Variants in STEAP1B observed in about 807,000 individuals in gnomAD.
The protein encoded by STEAP1B is STEAP family protein MGC87042.
A neutral mutation model predicts 27.9 loss-of-function variants in STEAP1B; 13 were observed. The observed-to-expected ratio is 0.47, with a 90% confidence interval of 0.30 to 0.74. The LOEUF (loss-of-function observed/expected upper bound fraction) is 0.74. Ranked by LOEUF, STEAP1B falls within the 30% of genes least tolerant of loss-of-function variation. STEAP1B has a pLI of 0.06. For missense variants in STEAP1B, 250 were observed against 298.7 expected, an observed-to-expected ratio of 0.84 and a Z score of 1.20; for synonymous variants, 86 against 107.1, an observed-to-expected ratio of 0.80 and a Z score of 1.22.
chr7:22,470,581 C>A (rs906591170), intron 4 of STEAP1B, among the ~76,000 whole-genome samples: 1 of 152,108 alleles, frequency 6.6e-6, no homozygotes, highest in Non-Finnish European at 1.5e-5. Context: ...GACCAGCCAA[C>A]ATGGTAAAAC....
chr7:22,432,036 G>A (rs1383158133), intron 4 of STEAP1B, among the ~76,000 whole-genome samples: 1 of 152,144 alleles, frequency 6.6e-6, no homozygotes, highest in Non-Finnish European at 1.5e-5. Context: ...ATTAGGAGAG[G>A]GAGCCTTTGG....
chr7:22,441,410 C>T (rs952969126), intron 4 of STEAP1B, among the ~76,000 whole-genome samples: 1 of 152,210 alleles, frequency 6.6e-6, no homozygotes, highest in Non-Finnish European at 1.5e-5. Context: ...TCCTCATTAA[C>T]CTCTGTGTTG....
intron 4 of STEAP1B, among the ~76,000 whole-genome samples, chr7:22,422,439 C>T (rs1325763010): frequency 2.0e-5 from 3 of 151,986 alleles, no homozygotes; most frequent in South Asian, 2.1e-4. Flanking sequence ...TGAGCAACAA[C>T]GTCACTGGAA....
At chr7:22,457,426 G>A (rs73083167) in intron 4 of STEAP1B, among the ~76,000 whole-genome samples, 20,333 of 152,140 alleles carry the variant, frequency 0.13, 1,489 homozygotes, top group Non-Finnish European at 0.17. Flanking sequence ...ACACACTGTG[G>A]TGAAGCCATT....
intron 4 of STEAP1B, among the ~76,000 whole-genome samples, chr7:22,442,928 T>C (rs1785355866): frequency 6.6e-6 from 1 of 152,090 alleles, no homozygotes; most frequent in Non-Finnish European, 1.5e-5. Flanking sequence ...ACAACCATTG[T>C]CACACCAGGC....
intron 4 of STEAP1B, among the ~76,000 whole-genome samples, chr7:22,479,772 C>T (rs949160821): frequency 6.7e-6 from 1 of 150,172 alleles, no homozygotes; most frequent in African/African-American, 2.5e-5. Context: ...GCAGCCTCCA[C>T]CTCCCGGATT....
chr7:22,456,972 A>ATATATATATTTTTTTTTTTTTT, intron 4 of STEAP1B, among the ~76,000 whole-genome samples: 1 of 57,072 alleles, frequency 1.8e-5, no homozygotes, highest in South Asian at 1.0e-3. Context: ...ATATATATAT[A>ATATATATATTTTTTTTTTTTTT]TTTTTTTTTT....
chr7:22,468,048 T>C (rs529746211), intron 4 of STEAP1B, among the ~76,000 whole-genome samples: 4 of 152,228 alleles, frequency 2.6e-5, no homozygotes, highest in African/African-American at 7.2e-5. Context: ...GACATATTTC[T>C]GCTAAAGAAT....
At chr7:22,492,349 G>GAAAAAAAAAAAAAAAAAAAAAAAA (rs1371957621) in intron 4 of STEAP1B, 1 of 185,132 alleles carries the variant, frequency 5.4e-6, no homozygotes, top group Non-Finnish European at 9.1e-6. Context: ...AAAAAAAAAG[G>GAAAAAAAAAAAAAAAAAAAAAAAA]ATATTTTAAT....
chr7:22,438,179 G>A (rs370955448), intron 4 of STEAP1B, among the ~76,000 whole-genome samples: 18 of 152,070 alleles, frequency 1.2e-4, no homozygotes, highest in Admixed American at 2.6e-4. Context: ...ACTCCCCCAC[G>A]TTTTCTTCCC....
intron 4 of STEAP1B, among the ~76,000 whole-genome samples, chr7:22,440,576 C>G (rs1394242940): frequency 6.6e-6 from 1 of 152,046 alleles, no homozygotes; most frequent in Non-Finnish European, 1.5e-5. Context: ...TCTTAGCTTA[C>G]TAAATAATTC....
intron 4 of STEAP1B, among the ~76,000 whole-genome samples, chr7:22,445,379 C>G (rs1785393852): frequency 6.6e-6 from 1 of 152,262 alleles, no homozygotes. Context: ...TCAGGGAGGA[C>G]AGCTGGGCCA....
chr7:22,431,803 T>C (rs1785191041), intron 4 of STEAP1B, among the ~76,000 whole-genome samples: 1 of 152,190 alleles, frequency 6.6e-6, no homozygotes, highest in Non-Finnish European at 1.5e-5. Flanking sequence ...TGTGTTCCTC[T>C]AGAAGGGCGA....
In STEAP1B at chr7:22,483,197, C is replaced by T. The variant is rs188375828; in HGVS notation, c.762+9368G>A. Among the ~76,000 whole-genome samples the T allele has an allele frequency of 5.8e-3, 638 of 109,438 alleles. 2 individuals are homozygous for T. Among genetic ancestry groups the T allele is most frequent in the Non-Finnish European group, 0.011 (526 of 46,770 alleles). 71.8% of individuals were successfully genotyped at this position (109,438 alleles called of 152,430 possible). On this transcript the variant is annotated intron_variant, in intron 4 of 4. Coordinates refer to ENST00000678116, the MANE Select transcript of STEAP1B (RefSeq NM_001382447.1). The stretch of plus-strand genomic sequence containing the variant: ...AAATGTCAACCGACTCTATACCTCA[C>T]ACTGAGGATACAGGACAAAATTAAC...
intron 4 of STEAP1B, among the ~76,000 whole-genome samples, chr7:22,476,806 G>A (rs1291781622): frequency 6.6e-6 from 1 of 152,164 alleles, no homozygotes; most frequent in Non-Finnish European, 1.5e-5. Flanking sequence ...CAGAGGCTAC[G>A]ACAAACATCA....
chr7:22,445,032 G>A (rs11974838), intron 4 of STEAP1B, among the ~76,000 whole-genome samples: 12,698 of 152,020 alleles, frequency 0.084, 687 homozygotes, highest in East Asian at 0.19. Flanking sequence ...GTGAGAGGAT[G>A]AGAAAGAGAA....
chr7:22,461,355 C>T (rs1391596802), intron 4 of STEAP1B, among the ~76,000 whole-genome samples: 5 of 152,218 alleles, frequency 3.3e-5, no homozygotes, highest in South Asian at 4.2e-4. Flanking sequence ...CTCTGCCTCC[C>T]GGGTTCAAGC....
chr7:22,451,531 G>GGTCT (rs1562571773), intron 4 of STEAP1B, among the ~76,000 whole-genome samples: 1 of 152,012 alleles, frequency 6.6e-6, no homozygotes, highest in African/African-American at 2.4e-5. Context: ...TATAGCTGTT[G>GGTCT]GTCTGTCACG....
intron 4 of STEAP1B, among the ~76,000 whole-genome samples, chr7:22,460,136 C>T (rs918043640): frequency 6.6e-6 from 1 of 151,746 alleles, no homozygotes; most frequent in African/African-American, 2.4e-5. Flanking sequence ...ATAGTGAAAC[C>T]CCGTCTCTAC....
Sources: allele counts gnomAD v4.1 joint callset (sites outside exome capture counted in the v4.1 genomes callset), GRCh38; gene constraint gnomAD v4.1.1; transcripts MANE v1.5; gene names NCBI Gene and HGNC (gene_info 2026-07-23, HGNC 2026-07-21).